NAPSA: variants seen among roughly 807,000 people sequenced by gnomAD.
NAPSA encodes the protein napsin A aspartic peptidase, also known as napsin-A.
In NAPSA, 37 loss-of-function variants were observed where a neutral mutation model predicts 36.7. The observed-to-expected ratio is 1.01, with a 90% CI of 0.78 to 1.33. The LOEUF is 1.33. NAPSA is among the 40% of genes most tolerant of loss of function. The pLI, the probability that NAPSA is intolerant of heterozygous loss-of-function variation, is 0.00. For synonymous variants in NAPSA, 222 were observed against 234.5 expected (o/e 0.95, Z 0.49); for missense variants, 532 against 543.8 (o/e 0.98, Z 0.21).
At chr19:50,358,893 C>A in intron 8 of NAPSA, 113 bp from the exon 9 acceptor site, 2 of 1,326,332 alleles carry the variant, frequency 1.5e-6, no homozygotes, top group Non-Finnish European at 2.1e-6. Context: ...CAACAAACTG[C>A]CATCACAGGG....
chr19:50,360,972 C>A lies in NAPSA; in HGVS notation c.637G>T (p.Asp213Tyr), dbSNP rs754803616. The A allele has an allele frequency of 5.6e-6, 9 of 1,614,104 alleles. No individual in the cohort carries two copies. The South Asian group carries it at 6.6e-5, about 12-fold the overall frequency. The change falls in exon 5 of 9, where the codon GAT becomes TAT. Residue 213 changes from aspartate to tyrosine, a missense_variant. Around this residue, in one of 3 missense-constraint regions of NAPSA, gnomAD observed 385 missense variants for 371.5 expected, o/e 1.04. Transcript: ENST00000253719. The part of the protein sequence containing the change: ...MDVLVEQGLL[D>Y]KPVFSFYLNR... ...AGGTAAAAGGAGAAGACAGGCTTAT[C>A]CAATAGCCCCTGCTCCACCAGTACA...
upstream of NAPSA, among the ~76,000 whole-genome samples, chr19:50,366,517 G>A (rs549631403): frequency 8.5e-5 from 13 of 152,166 alleles, no homozygotes; most frequent in East Asian, 1.2e-3. Flanking sequence ...ATTCTCTGTC[G>A]GAAAGGTCAC....
intron 5 of NAPSA, 83 bp from the exon 6 acceptor site, chr19:50,359,945 C>T: frequency 6.5e-7 from 1 of 1,535,212 alleles, no homozygotes. Flanking sequence ...AATGGCACTT[C>T]CCACCAACTG....
chr19:50,358,692 T>C lies in NAPSA; in HGVS notation c.1124A>G (p.Asp375Gly), dbSNP rs1256307592. The change falls in exon 9 of 9, where the codon GAC (aspartate) becomes GGC (glycine). Residue 375 changes from aspartate to glycine, a missense_variant. Transcript: ENST00000253719. ...PPAGPFWILG[D>G]VFLGTYVAVF... The stretch of plus-strand genomic sequence containing the variant: ...GGCCACATACGTCCCCAAGAAGACG[T>C]CACCGAGGATCCAGAAGGGCCCTGC... 6.2e-7 allele frequency: 1 copy of C among 1,613,270 alleles called. No homozygotes were observed. Among genetic ancestry groups the C allele is most frequent in the Non-Finnish European group, 8.5e-7 (1 of 1,179,958 alleles).
chr19:50,359,772 C>G lies in NAPSA; in HGVS notation c.759G>C (p.Thr253=), dbSNP rs140131070. 6.2e-7 allele frequency: 1 copy of G among 1,614,208 alleles called. No individual in the cohort carries two copies. The highest frequency in any genetic ancestry group is 1.7e-5 in the Admixed American group (1 of 60,020). ...TGTGGATCTGCCAGTAGGCAGGGAC[C>G]GTGACTGGCACGAAGGTGAGGGGTG... The part of the protein sequence containing the change: ...YIPPLTFVPV[T]VPAYWQIHME... Residue 253 remains threonine (T), a synonymous_variant, in exon 6 of 9, where the codon ACG becomes ACC. Coordinates refer to ENST00000253719, the MANE Select transcript of NAPSA (RefSeq NM_004851.3).
At chr19:50,368,174 A>G (rs1339011330), upstream of NAPSA, among the ~76,000 whole-genome samples, 9 of 150,886 alleles carry the variant, frequency 6.0e-5, no homozygotes, top group East Asian at 9.7e-4. Context: ...AAAAAAAAAA[A>G]AAAAAGAAAC....
At chr19:50,359,427 C>T in intron 7 of NAPSA, 76 bp downstream of exon 7, 1 of 1,588,220 alleles carries the variant, frequency 6.3e-7, no homozygotes, top group East Asian at 2.2e-5. Context: ...TTGCCTCCCA[C>T]CCTCAGGCCC....
rs559175201 is a variant in NAPSA, at chr19:50,359,168, G to A, written c.937-59C>T. ...ATTCCTGCTCTGTTCAGTCCCTTCC[G>A]TGGCTCCCCAGTGCCATAGGGTAAT... On this transcript the variant is annotated intron_variant, in intron 7 of 8. Coordinates refer to ENST00000253719, the MANE Select transcript of NAPSA (RefSeq NM_004851.3). The A allele has an allele frequency of 6.2e-6, 9 of 1,454,232 alleles. No homozygotes were observed. The East Asian group carries it at 1.6e-4, about 26-fold the overall frequency. 90.1% of individuals were successfully genotyped at this position (1,454,232 alleles called of 1,614,324 possible). A position where few individuals can be genotyped will look rare whatever the true frequency, so the allele number is the denominator to read the frequency against.
chr19:50,366,833 A>ATTT (rs201263037), upstream of NAPSA, among the ~76,000 whole-genome samples: 1,210 of 89,976 alleles, frequency 0.013, 14 homozygotes, highest in African/African-American at 0.079. Context: ...ACCCTGGCTA[A>ATTT]ATTTTTTTTT....
At chr19:50,361,277 C>T in intron 4 of NAPSA, 137 bp from the exon 5 acceptor site, 3 of 706,816 alleles carry the variant, frequency 4.2e-6, no homozygotes, top group Non-Finnish European at 7.1e-6. Flanking sequence ...GAAACTATGC[C>T]TCTTGAGAAG....
chr19:50,368,789 G>A (rs1439523217), upstream of NAPSA, among the ~76,000 whole-genome samples: 1 of 152,228 alleles, frequency 6.6e-6, no homozygotes, highest in Non-Finnish European at 1.5e-5. Context: ...AGATTCCCCA[G>A]CCGCCACCCG....
At chr19:50,368,123 A>G (rs1601132190), upstream of NAPSA, among the ~76,000 whole-genome samples, 3 of 142,700 alleles carry the variant, frequency 2.1e-5, no homozygotes, top group East Asian at 6.2e-4. Context: ...GCGCTGCTAC[A>G]CTCCAGTCTG....
Position 50,358,491 on chromosome 19 carries a change from G to A in NAPSA, c.*62C>T. On this transcript the variant is annotated 3_prime_UTR_variant, in exon 9 of 9. Transcript: ENST00000253719. ...GGCAGGTTCGCTCAATGGAAATAGT[G>A]GATTTTTACTGGGTAGCAGGACCTC... The A allele has an allele frequency of 1.5e-6, 2 of 1,371,438 alleles. No homozygotes were observed. The highest frequency in any genetic ancestry group is 2.0e-6 in the Non-Finnish European group (2 of 1,023,504). The allele number at this position is 1,371,438 out of a possible 1,614,324, so 85.0% of individuals were successfully genotyped here. A position where few individuals can be genotyped will look rare whatever the true frequency, so the allele number is the denominator to read the frequency against.
chr19:50,359,168 G>C (rs559175201), intron 7 of NAPSA, 59 bp from the exon 8 acceptor site: 1 of 1,454,110 alleles, frequency 6.9e-7, no homozygotes, highest in Non-Finnish European at 9.6e-7. Context: ...AGTCCCTTCC[G>C]TGGCTCCCCA....
intron 1 of NAPSA, chr19:50,362,885 T>G (rs1193838188): frequency 6.6e-6 from 1 of 152,212 alleles, no homozygotes; most frequent in Non-Finnish European, 1.5e-5. Flanking sequence ...AAGCTGAGTG[T>G]TTGCAACCCT....
chr19:50,363,228 C>A (rs1044797877), intron 1 of NAPSA, among the ~76,000 whole-genome samples: 1 of 152,060 alleles, frequency 6.6e-6, no homozygotes, highest in African/African-American at 2.4e-5. Flanking sequence ...GAAAACTCTT[C>A]CTGGAAGTGT....
chr19:50,359,068 G>T lies in NAPSA; in HGVS notation c.978C>A (p.Val326=). 1.2e-6 allele frequency: 2 copies of T among 1,614,154 alleles called. No homozygotes were observed. The highest frequency in any genetic ancestry group is 1.7e-6 in the Non-Finnish European group (2 of 1,180,012). ...LCSEIPKLPA[V]SFLLGGVWFN... ...ACCAGACCCCCCCAAGAAGGAAGGA[G>T]ACTGCGGGGAGCTTTGGGATTTCCG... The change falls in exon 8 of 9, where the codon GTC becomes GTA. Residue 326 remains valine, a synonymous_variant. Coordinates refer to ENST00000253719, the MANE Select transcript of NAPSA (RefSeq NM_004851.3).
rs2037434566 is a variant in NAPSA, at chr19:50,359,032, C to T, written c.1014G>A (p.Thr338=). 4.3e-6 allele frequency: 7 copies of T among 1,613,926 alleles called. No individual in the cohort carries two copies. The East Asian group carries it at 8.9e-5, about 21-fold the overall frequency. ...FLLGGVWFNL[T]AHDYVIQTTR... ...CTACCTGGATGACGTAATCATGGGC[C>T]GTGAGGTTAAACCAGACCCCCCCAA... is the stretch of plus-strand genomic sequence containing the variant. Residue 338 remains threonine, a synonymous_variant, in exon 8 of 9, where the codon ACG becomes ACA. Transcript: ENST00000253719.
intron 1 of NAPSA, among the ~76,000 whole-genome samples, chr19:50,363,858 T>C (rs1380685493): frequency 6.6e-6 from 1 of 152,128 alleles, no homozygotes; most frequent in Non-Finnish European, 1.5e-5. Flanking sequence ...GCCATGTCTC[T>C]GGCCAAAAAC....
Sources: allele counts gnomAD v4.1 joint callset (sites outside exome capture counted in the v4.1 genomes callset), GRCh38; gene constraint gnomAD v4.1.1; regional missense constraint gnomAD v4.1.1; transcripts MANE v1.5; gene names NCBI Gene and HGNC (gene_info 2026-07-23, HGNC 2026-07-21).